ENTREP2: variants seen among roughly 807,000 people sequenced by gnomAD.
ENTREP2 encodes endosomal transmembrane epsin interactor 2.
At chr15:29,534,391 T>C in the ENTREP2 span, among the ~76,000 whole-genome samples, 2 of 152,152 alleles carry the variant, frequency 1.3e-5, no homozygotes, top group Non-Finnish European at 2.9e-5. Flanking sequence ...TATTATACTG[T>C]TTTGTACTTA....
the ENTREP2 span, among the ~76,000 whole-genome samples, chr15:29,332,823 G>C: frequency 6.6e-6 from 1 of 151,946 alleles, no homozygotes. Flanking sequence ...GCTGGGTGTG[G>C]TGGTGGGCGC....
chr15:29,268,904 C>G, the ENTREP2 span: 1 of 1,614,154 alleles, frequency 6.2e-7, no homozygotes. Flanking sequence ...TGGACCTTGG[C>G]CACAAACTTA....
At chr15:29,604,028 G>T in the ENTREP2 span, among the ~76,000 whole-genome samples, 1 of 152,078 alleles carries the variant, frequency 6.6e-6, no homozygotes, top group African/African-American at 2.4e-5. Flanking sequence ...GAATTTAGAT[G>T]AAAAAAAGAG....
the ENTREP2 span, among the ~76,000 whole-genome samples, chr15:29,468,314 GAT>G: frequency 6.6e-6 from 1 of 152,238 alleles, no homozygotes; most frequent in South Asian, 2.1e-4. Flanking sequence ...AAATGTGAAT[GAT>G]TAAGAAAAGA....
the ENTREP2 span, among the ~76,000 whole-genome samples, chr15:29,640,788 C>CA: frequency 4.6e-5 from 7 of 152,132 alleles, no homozygotes; most frequent in Non-Finnish European, 7.4e-5. Context: ...CAAAATCTTC[C>CA]AAAAAATACA....
chr15:29,351,920 C>T, the ENTREP2 span, among the ~76,000 whole-genome samples: 1 of 150,964 alleles, frequency 6.6e-6, no homozygotes, highest in Non-Finnish European at 1.5e-5. Context: ...ATTACATGCA[C>T]GAGCCACCAC....
the ENTREP2 span, chr15:29,120,818 C>G: frequency 6.6e-6 from 1 of 152,234 alleles, no homozygotes; most frequent in Non-Finnish European, 1.5e-5. Context: ...TGTGAGCTGA[C>G]GTGCAGCCCG....
the ENTREP2 span, among the ~76,000 whole-genome samples, chr15:29,341,978 A>G: frequency 6.6e-6 from 1 of 152,188 alleles, no homozygotes; most frequent in South Asian, 2.1e-4. Flanking sequence ...ACAGAATCCT[A>G]TTTACATCTT....
At chr15:29,460,809 C>T in the ENTREP2 span, among the ~76,000 whole-genome samples, 2 of 151,990 alleles carry the variant, frequency 1.3e-5, no homozygotes, top group Admixed American at 1.3e-4. Context: ...CTTACCACAA[C>T]AGAGAATAAC....
chr15:29,133,609 A>G, the ENTREP2 span, among the ~76,000 whole-genome samples: 2 of 152,084 alleles, frequency 1.3e-5, no homozygotes, highest in African/African-American at 2.4e-5. Context: ...CACCTGACCC[A>G]TTGCTTTCTT....
At chr15:29,212,427 C>T in the ENTREP2 span, among the ~76,000 whole-genome samples, 23 of 152,186 alleles carry the variant, frequency 1.5e-4, no homozygotes, top group Admixed American at 1.2e-3. Context: ...TTCAAAGAAC[C>T]GGCTTTTTGT....
chr15:29,458,012 T>C, the ENTREP2 span, among the ~76,000 whole-genome samples: 8 of 152,146 alleles, frequency 5.3e-5, no homozygotes, highest in Non-Finnish European at 8.8e-5. Flanking sequence ...ACAAAACTGA[T>C]AGGACACATA....
At chr15:29,151,888 T>G in the ENTREP2 span, 9 of 1,426,932 alleles carry the variant, frequency 6.3e-6, no homozygotes, top group South Asian at 2.5e-5. Context: ...CCGAAATAGA[T>G]AGCAGAATCC....
the ENTREP2 span, among the ~76,000 whole-genome samples, chr15:29,593,155 T>C: frequency 1.3e-5 from 2 of 152,198 alleles, no homozygotes; most frequent in African/African-American, 2.4e-5. Context: ...TCTAGAACTT[T>C]CCTTCCGTTT....
the ENTREP2 span, among the ~76,000 whole-genome samples, chr15:29,526,091 C>G: frequency 1.2e-4 from 19 of 152,104 alleles, no homozygotes; most frequent in Non-Finnish European, 2.4e-4. Context: ...ACATTCTATA[C>G]CCTGAAGTAC....
At chr15:29,349,514 A>G in the ENTREP2 span, among the ~76,000 whole-genome samples, 4 of 152,350 alleles carry the variant, frequency 2.6e-5, no homozygotes, top group East Asian at 5.8e-4. Flanking sequence ...ATTGCAATTT[A>G]GGAGCATCCC....
chr15:29,478,017 A>ATTTTT, the ENTREP2 span, among the ~76,000 whole-genome samples: 83 of 56,948 alleles, frequency 1.5e-3, 1 homozygote, highest in Non-Finnish European at 1.9e-3. Context: ...ATATATATAT[A>ATTTTT]TATTTTTTTT....
At chr15:29,189,420 CTT>C in the ENTREP2 span, among the ~76,000 whole-genome samples, 2,204 of 142,500 alleles carry the variant, frequency 0.015, 42 homozygotes, top group African/African-American at 0.046. Context: ...AATTGTCTTG[CTT>C]TTTTTTTTTT....
At chr15:29,607,053 G>A in the ENTREP2 span, among the ~76,000 whole-genome samples, 167 of 152,210 alleles carry the variant, frequency 1.1e-3, 2 homozygotes, top group Admixed American at 9.4e-3. Flanking sequence ...GGCTGTTCTC[G>A]AATTCCTGGC....
Sources: allele counts gnomAD v4.1 joint callset (sites outside exome capture counted in the v4.1 genomes callset), GRCh38; gene constraint gnomAD v4.1.1; transcripts MANE v1.5; gene names NCBI Gene and HGNC (gene_info 2026-07-23, HGNC 2026-07-21).